Variants in GALNT10 observed in about 807,000 individuals in gnomAD.
GALNT10 encodes GalNAc transferase 10.
In GALNT10, 41 loss-of-function variants were observed where a neutral mutation model predicts 75.0. That is an observed-to-expected ratio of 0.55 (90% CI 0.43 to 0.71). The LOEUF (loss-of-function observed/expected upper bound fraction) is 0.71. Ranked by LOEUF, GALNT10 falls within the 30% of genes least tolerant of loss-of-function variation. GALNT10 has a pLI of 0.00. For synonymous variants in GALNT10, 302 were observed against 313.0 expected, an observed-to-expected ratio of 0.96 and a Z score of 0.37; for missense variants, 727 against 818.5, an observed-to-expected ratio of 0.89 and a Z score of 1.36.
At chr5:154,378,899 C>T (rs1011368811) in intron 5 of GALNT10, among the ~76,000 whole-genome samples, 6 of 152,118 alleles carry the variant, frequency 3.9e-5, no homozygotes, top group Non-Finnish European at 8.8e-5. Context: ...CGGCCATGAA[C>T]AATTAAATGG....
chr5:154,361,523 C>T (rs1755387738), intron 4 of GALNT10, among the ~76,000 whole-genome samples: 1 of 152,168 alleles, frequency 6.6e-6, no homozygotes, highest in South Asian at 2.1e-4. Context: ...TCCTCGGACC[C>T]GAACTTGGTT....
intron 1 of GALNT10, among the ~76,000 whole-genome samples, chr5:154,266,937 C>G (rs1475335157): frequency 6.6e-6 from 1 of 152,178 alleles, no homozygotes; most frequent in Non-Finnish European, 1.5e-5. Context: ...TAATTGATCT[C>G]TCCTTTTCCT....
intron 3 of GALNT10, among the ~76,000 whole-genome samples, chr5:154,307,820 C>T (rs1561656712): frequency 6.6e-6 from 1 of 151,602 alleles, no homozygotes; most frequent in African/African-American, 2.4e-5. Context: ...ATTCACTTTT[C>T]TTCAGGTCAG....
chr5:154,305,593 C>G (rs1208048710), intron 3 of GALNT10, among the ~76,000 whole-genome samples: 1 of 152,000 alleles, frequency 6.6e-6, no homozygotes, highest in Non-Finnish European at 1.5e-5. Flanking sequence ...GATTTCAGAG[C>G]AAAGAATATT....
Position 154,416,499 on chromosome 5 carries a change from A to ACACACACACACG in GALNT10, c.1654-304_1654-303insGCACACACACAC, listed in dbSNP as rs1756514251. Among the ~76,000 whole-genome samples, 1 of 151,644 alleles carries ACACACACACACG rather than the reference A, an allele frequency of 6.6e-6. No homozygotes were observed. The highest frequency in any genetic ancestry group is 1.5e-5 in the Non-Finnish European group (1 of 67,898). ...AGCACATACACACACACACACACAC[A>ACACACACACACG]CACACACACACACACACACGATAAG... is the stretch of plus-strand genomic sequence containing the variant. On this transcript the variant is annotated intron_variant, in intron 11 of 11. Coordinates refer to ENST00000297107, the MANE Select transcript of GALNT10 (RefSeq NM_198321.4). The surrounding 1 kb of genome is among the most constrained non-coding windows in gnomAD (Gnocchi z 4.5).
At chr5:154,275,437 G>C (rs1481234189) in intron 1 of GALNT10, among the ~76,000 whole-genome samples, 3 of 152,322 alleles carry the variant, frequency 2.0e-5, no homozygotes, top group Admixed American at 6.5e-5. Flanking sequence ...CATGCTGTCA[G>C]GCTCGTGTGG....
At chr5:154,257,081 T>C (rs1304869155) in intron 1 of GALNT10, among the ~76,000 whole-genome samples, 2 of 151,948 alleles carry the variant, frequency 1.3e-5, no homozygotes, top group East Asian at 1.9e-4. Context: ...TTGAGACCAG[T>C]TGGGGCACCA....
At chr5:154,384,798 C>T (rs949965532) in intron 6 of GALNT10, among the ~76,000 whole-genome samples, 9 of 152,222 alleles carry the variant, frequency 5.9e-5, no homozygotes, top group Non-Finnish European at 1.2e-4. Flanking sequence ...ATTCACATCC[C>T]AGCAGTGCTG....
chr5:154,333,747 G>A (rs894148649), intron 4 of GALNT10, among the ~76,000 whole-genome samples: 2 of 152,064 alleles, frequency 1.3e-5, no homozygotes, highest in East Asian at 1.9e-4. Flanking sequence ...AATGAAAACC[G>A]AGGCCCCCTG....
At chr5:154,233,196 T>A (rs1297690186) in intron 1 of GALNT10, among the ~76,000 whole-genome samples, 1 of 152,180 alleles carries the variant, frequency 6.6e-6, no homozygotes, top group African/African-American at 2.4e-5. Flanking sequence ...ATGTCTTGAC[T>A]CCAGGTTGGT....
At chr5:154,266,257 G>A (rs2113029439) in intron 1 of GALNT10, among the ~76,000 whole-genome samples, 1 of 152,200 alleles carries the variant, frequency 6.6e-6, no homozygotes, top group South Asian at 2.1e-4. Context: ...CATGAGTGAA[G>A]AAAGCAGGCT....
chr5:154,226,074 G>A (rs1434737997), intron 1 of GALNT10, among the ~76,000 whole-genome samples: 8 of 151,420 alleles, frequency 5.3e-5, no homozygotes, highest in Non-Finnish European at 1.2e-4. Flanking sequence ...CATGGCACAT[G>A]TATATATATG....
intron 1 of GALNT10, among the ~76,000 whole-genome samples, chr5:154,216,633 AC>A (rs1007689995): frequency 6.6e-6 from 1 of 152,178 alleles, no homozygotes; most frequent in Non-Finnish European, 1.5e-5. Flanking sequence ...CATAAAATGC[AC>A]CTCCAAGTCT....
intron 3 of GALNT10, among the ~76,000 whole-genome samples, chr5:154,308,173 TG>T: frequency 6.6e-6 from 1 of 151,790 alleles, no homozygotes; most frequent in Non-Finnish European, 1.5e-5. Flanking sequence ...AAGATAATTG[TG>T]GGGTAGAATG....
chr5:154,386,190 A>C (rs1582003727), intron 6 of GALNT10, 123 bp from the exon 7 acceptor site: 1 of 701,922 alleles, frequency 1.4e-6, no homozygotes, highest in East Asian at 2.6e-5. Context: ...CCTGGAAGAC[A>C]CTTGGACTGT....
chr5:154,360,144 G>T (rs1246914660), intron 4 of GALNT10, among the ~76,000 whole-genome samples: 1 of 152,048 alleles, frequency 6.6e-6, no homozygotes, highest in Non-Finnish European at 1.5e-5. Context: ...GGAATATGAT[G>T]AATCTATTAA....
chr5:154,216,655 A>G (rs1472562772), intron 1 of GALNT10, among the ~76,000 whole-genome samples: 1 of 152,260 alleles, frequency 6.6e-6, no homozygotes, highest in African/African-American at 2.4e-5. Context: ...TACCAATTGA[A>G]AGACTTCACT....
chr5:154,279,388 C>T (rs1754004931), intron 1 of GALNT10, among the ~76,000 whole-genome samples: 2 of 150,880 alleles, frequency 1.3e-5, no homozygotes, highest in Admixed American at 1.3e-4. Flanking sequence ...ACCACAACCT[C>T]CGCCTCCCAG....
chr5:154,368,331 G>A (rs900233758), intron 4 of GALNT10, among the ~76,000 whole-genome samples: 13 of 152,174 alleles, frequency 8.5e-5, no homozygotes, highest in Admixed American at 6.5e-5. Context: ...AGATGCTCTC[G>A]CTGAGGTTCA....
Sources: gnomAD v4.1 joint callset for allele counts (sites outside exome capture counted in the v4.1 genomes callset) on GRCh38, gnomAD v4.1.1 for gene constraint, Gnocchi (gnomAD v3.1) non-coding constraint, MANE v1.5 for transcripts, NCBI Gene and HGNC (gene_info 2026-07-23, HGNC 2026-07-21) for gene names.